SOX5: variants seen among roughly 807,000 people sequenced by gnomAD.
SOX5 encodes SRY-box transcription factor 5.
A neutral mutation model predicts 92.0 loss-of-function variants in SOX5; 9 were observed. The observed-to-expected ratio is 0.10, with a 90% CI of 0.06 to 0.17. SOX5 has a LOEUF of 0.17. SOX5 is among the 10% of genes least tolerant of loss of function. The pLI is 1.00. For synonymous variants in SOX5, 344 were observed against 336.3 expected, an observed-to-expected ratio of 1.02 and a Z score of -0.25; for missense variants, 642 against 944.5, an observed-to-expected ratio of 0.68 and a Z score of 4.20.
At chr12:24,186,723 C>A (rs1388002247) in intron 4 of SOX5, among the ~76,000 whole-genome samples, 3 of 152,034 alleles carry the variant, frequency 2.0e-5, no homozygotes, top group African/African-American at 7.2e-5. Flanking sequence ...GCATGAGTTT[C>A]TATTAAAAAT....
intron 1 of SOX5, among the ~76,000 whole-genome samples, chr12:24,523,588 C>G (rs1950440578): frequency 6.6e-6 from 1 of 152,150 alleles, no homozygotes; most frequent in Non-Finnish European, 1.5e-5. Context: ...GAAATTTGCA[C>G]ATATACAGTG....
chr12:23,802,938 C>T (rs1420651137), intron 3 of SOX5, among the ~76,000 whole-genome samples: 1 of 152,146 alleles, frequency 6.6e-6, no homozygotes, highest in South Asian at 2.1e-4. Flanking sequence ...CATTGCTACT[C>T]CCGCCCCTCT....
At chr12:23,785,879 A>G (rs1260852105) in intron 3 of SOX5, among the ~76,000 whole-genome samples, 1 of 152,076 alleles carries the variant, frequency 6.6e-6, no homozygotes, top group African/African-American at 2.4e-5. Context: ...TAGTTTTTTT[A>G]GATTTTTTTC....
chr12:23,546,138 A>T (rs1417822842), intron 12 of SOX5, among the ~76,000 whole-genome samples, 178 bp downstream of exon 12: 1 of 152,132 alleles, frequency 6.6e-6, no homozygotes, highest in Non-Finnish European at 1.5e-5. Flanking sequence ...AAATGAGACG[A>T]TTTCTGCAAA....
chr12:24,375,365 C>T (rs1957153335), intron 1 of SOX5, among the ~76,000 whole-genome samples: 1 of 152,104 alleles, frequency 6.6e-6, no homozygotes, highest in Non-Finnish European at 1.5e-5. Context: ...AACTAATAAA[C>T]AAAGAGGATT....
chr12:24,051,145 A>T (rs1385701445), intron 4 of SOX5, among the ~76,000 whole-genome samples: 1 of 152,194 alleles, frequency 6.6e-6, no homozygotes, highest in Non-Finnish European at 1.5e-5. Context: ...CATTGAAAAG[A>T]TTATTAAAGA....
chr12:23,794,808 C>T (rs2095535066), intron 3 of SOX5, among the ~76,000 whole-genome samples: 1 of 152,066 alleles, frequency 6.6e-6, no homozygotes, highest in Non-Finnish European at 1.5e-5. Flanking sequence ...AAGAAAATTT[C>T]ATTTTTATAG....
intron 3 of SOX5, among the ~76,000 whole-genome samples, chr12:24,275,037 C>T (rs1004606784): frequency 5.8e-5 from 4 of 68,664 alleles, no homozygotes; most frequent in East Asian, 6.8e-4. Flanking sequence ...CATTTCAACC[C>T]GACTTTGGGA....
chr12:23,740,169 C>T lies in SOX5; in HGVS notation c.741+698G>A, dbSNP rs34176663. ...GGTGTTTCCAGCTGTCTCTCACATA[C>T]CTCCAACTGGACAACTTGACAGGAA... On this transcript the variant is annotated intron_variant, in intron 5 of 14. Coordinates refer to ENST00000451604, the MANE Select transcript of SOX5 (RefSeq NM_006940.6). Among the ~76,000 whole-genome samples the T allele has an allele frequency of 6.7e-3, 1,014 of 152,300 alleles. 7 individuals carry two copies. The highest frequency in any genetic ancestry group is 0.01 in the Non-Finnish European group (698 of 68,022).
chr12:23,964,585 T>C (rs576054843), intron 4 of SOX5, among the ~76,000 whole-genome samples: 23 of 152,338 alleles, frequency 1.5e-4, no homozygotes, highest in African/African-American at 4.8e-4. Context: ...GTCAACCGTC[T>C]ACAAGTGTAA....
intron 3 of SOX5, among the ~76,000 whole-genome samples, chr12:23,825,202 C>G (rs1273142280): frequency 1.3e-5 from 2 of 152,144 alleles, no homozygotes; most frequent in African/African-American, 2.4e-5. Flanking sequence ...TGCTTGAAAC[C>G]CAGGGCCCTG....
intron 4 of SOX5, among the ~76,000 whole-genome samples, chr12:24,119,102 A>T (rs763676305): frequency 3.3e-5 from 5 of 152,032 alleles, no homozygotes; most frequent in African/African-American, 4.8e-5. Flanking sequence ...TTCAAATTTA[A>T]GTTGGTATTT....
chr12:24,032,251 AATAAC>A (rs1955587344), intron 4 of SOX5, among the ~76,000 whole-genome samples: 1 of 151,796 alleles, frequency 6.6e-6, no homozygotes, highest in South Asian at 2.1e-4. Context: ...GCAGCACAAG[AATAAC>A]ATAAGCCATG....
intron 1 of SOX5, among the ~76,000 whole-genome samples, chr12:23,898,701 G>C (rs1307586072): frequency 1.3e-5 from 2 of 152,176 alleles, no homozygotes; most frequent in Non-Finnish European, 2.9e-5. Flanking sequence ...AAAAGGTTAA[G>C]GTTTATAACA....
chr12:23,963,723 C>A (rs1222812328), intron 4 of SOX5, among the ~76,000 whole-genome samples: 1 of 140,266 alleles, frequency 7.1e-6, no homozygotes, highest in Non-Finnish European at 1.5e-5. Flanking sequence ...GATTAGGGGT[C>A]CTGAGTCTAG....
At chr12:24,155,368 A>G (rs909697118) in intron 4 of SOX5, among the ~76,000 whole-genome samples, 6 of 152,106 alleles carry the variant, frequency 3.9e-5, no homozygotes, top group African/African-American at 1.4e-4. Context: ...TATTTTGAGT[A>G]TTTTTAAAGA....
intron 3 of SOX5, among the ~76,000 whole-genome samples, chr12:24,216,352 C>G (rs1048233689): frequency 2.0e-5 from 3 of 152,030 alleles, no homozygotes; most frequent in Admixed American, 2.0e-4. Flanking sequence ...GGCGTGGTGG[C>G]GGGCGGCTGT....
At chr12:24,130,434 G>C (rs1453082287) in intron 4 of SOX5, among the ~76,000 whole-genome samples, 1 of 152,174 alleles carries the variant, frequency 6.6e-6, no homozygotes, top group African/African-American at 2.4e-5. Flanking sequence ...ATCATGTTCT[G>C]TGTGGATCTC....
intron 2 of SOX5, among the ~76,000 whole-genome samples, chr12:23,853,416 G>T (rs2096654425): frequency 6.6e-6 from 1 of 151,732 alleles, no homozygotes; most frequent in East Asian, 1.9e-4. Context: ...TTTAATGATG[G>T]TGAATGAAAC....
Sources: gnomAD v4.1 joint callset for allele counts (sites outside exome capture counted in the v4.1 genomes callset) on GRCh38, gnomAD v4.1.1 for gene constraint, MANE v1.5 for transcripts, NCBI Gene and HGNC (gene_info 2026-07-23, HGNC 2026-07-21) for gene names.